UVSSA: variants seen among roughly 807,000 people sequenced by gnomAD.
UVSSA encodes the protein UV stimulated scaffold protein A.
UVSSA carries 72 observed loss-of-function variants against 73.9 expected under a neutral mutation model. The ratio of observed to expected loss-of-function variants is 0.97; its 90% CI spans 0.81 to 1.19. The LOEUF is 1.19. Among genes scored for constraint, UVSSA ranks in the 50% most tolerant of loss-of-function variants. UVSSA has a pLI of 0.00. For synonymous variants in UVSSA, 454 were observed against 391.3 expected, an observed-to-expected ratio of 1.16 and a Z score of -1.89; for missense variants, 1,150 against 965.0, an observed-to-expected ratio of 1.19 and a Z score of -2.54.
At position 1,386,417 on chromosome 4, in the gene UVSSA, C is replaced by G. The variant is rs1338566803; in HGVS notation, c.*456C>G. 1 of 161,216 alleles carries G rather than the reference C, an allele frequency of 6.2e-6. No individual in the cohort carries two copies. The highest frequency in any genetic ancestry group is 5.9e-5 in the Admixed American group (1 of 17,044). 10.0% of individuals were successfully genotyped at this position (161,216 alleles called of 1,614,324 possible). A position where few individuals can be genotyped will look rare whatever the true frequency, so the allele number is the denominator to read the frequency against. On this transcript the variant is annotated 3_prime_UTR_variant, in exon 14 of 14. Transcript: ENST00000389851. Reference sequence around the variant, plus strand: ...CACAAAGGCTAGTGAACCGTTCAGTCATCTGCTTTCTGTTTCTGGATGTGC... The same window carrying G: ...CACAAAGGCTAGTGAACCGTTCAGTGATCTGCTTTCTGTTTCTGGATGTGC...
At chr4:1,378,243 C>T (rs1302904614) in intron 10 of UVSSA, among the ~76,000 whole-genome samples, 1 of 152,140 alleles carries the variant, frequency 6.6e-6, no homozygotes, top group East Asian at 1.9e-4. Context: ...ACAAAGCCGT[C>T]CTGGTACACA....
rs371619925 is a variant in UVSSA at position 1,381,005 on chromosome 4, C to T, written c.1861+17C>T. The stretch of plus-strand genomic sequence containing the variant: ...AGCGCCCGGGTAGGTCTGGGCAAGG[C>T]GGTCACCGTGGGAGGCACAGCCTGG... On this transcript the variant is annotated intron_variant, in intron 12 of 13. Transcript: ENST00000389851. 1.2e-4 allele frequency: 186 copies of T among 1,606,936 alleles called. No individual in the cohort carries two copies. The highest frequency in any genetic ancestry group is 1.5e-4 in the Non-Finnish European group (171 of 1,177,040).
chr4:1,349,436 C>G, intron 2 of UVSSA, 88 bp from the exon 3 acceptor site: 1 of 1,291,878 alleles, frequency 7.7e-7, no homozygotes, highest in South Asian at 1.4e-5. Context: ...CCCTGCCACA[C>G]GTGCGTGCGG....
intron 4 of UVSSA, among the ~76,000 whole-genome samples, chr4:1,352,168 T>C (rs1882105): frequency 0.69 from 104,338 of 152,190 alleles, 37,583 homozygotes; most frequent in African/African-American, 0.92. Context: ...TTTGTGGCTG[T>C]CTTGCCCTTG....
At position 1,375,399 on chromosome 4, in the gene UVSSA, C is replaced by T. The variant is rs773114843; in HGVS notation, c.1324C>T (p.Arg442Trp). 12 of 1,613,452 alleles carry T rather than the reference C, an allele frequency of 7.4e-6. No homozygotes were observed. Among genetic ancestry groups the T allele is most frequent in the Middle Eastern group, 1.6e-4 (1 of 6,084 alleles). Residue 442 changes from arginine to tryptophan, a missense_variant, in exon 9 of 14, where the codon CGG becomes TGG. Arg to Trp is a moderately radical substitution (Grantham distance 101). Transcript: ENST00000389851. ...EAAPEKDTVV[R>W]CLRTRTRMDE... Reference sequence around the variant, plus strand: ...AGCACCAGAGAAAGACACAGTTGTGCGGTGCTTGCGGACGAGGACGAGGAT... The same window carrying T: ...AGCACCAGAGAAAGACACAGTTGTGTGGTGCTTGCGGACGAGGACGAGGAT...
At chr4:1,395,542 C>G (rs763344201) in exon 14 of UVSSA, 3 of 1,599,900 alleles carry the variant, frequency 1.9e-6, no homozygotes, top group Non-Finnish European at 2.6e-6. Flanking sequence ...CCCGCCTGCT[C>G]ACACGTGCCC....
intron 13 of UVSSA, 22 bp downstream of exon 13, chr4:1,383,962 C>T (rs372261594): frequency 8.8e-6 from 14 of 1,598,988 alleles, no homozygotes; most frequent in African/African-American, 2.7e-5. Context: ...TGCTGGGTCA[C>T]CTCCCACCGC....
At chr4:1,345,799 A>C (rs1359052304), upstream of UVSSA, among the ~76,000 whole-genome samples, 1 of 152,134 alleles carries the variant, frequency 6.6e-6, no homozygotes. Context: ...AATTGGTAAG[A>C]AAAGTTGGAT....
intron 10 of UVSSA, 56 bp downstream of exon 10, chr4:1,376,224 A>T (rs1475079864): frequency 3.3e-6 from 5 of 1,538,208 alleles, no homozygotes; most frequent in African/African-American, 2.7e-5. Context: ...TCCCAGCCTG[A>T]GGAGGGGGCT....
At chr4:1,395,209 C>A in exon 14 of UVSSA, 1 of 1,447,058 alleles carries the variant, frequency 6.9e-7, no homozygotes, top group Non-Finnish European at 9.2e-7. Context: ...CCTGCTCACA[C>A]GTGCCGATGC....
exon 14 of UVSSA, chr4:1,393,248 C>CT (rs1342667183): frequency 1.3e-5 from 2 of 152,170 alleles, no homozygotes; most frequent in African/African-American, 4.8e-5. Context: ...AGTTATTGTA[C>CT]TTTTCTACTC....
rs1000416466 is a variant in UVSSA, at chr4:1,349,465, C to T, written c.99-59C>T. The stretch of plus-strand genomic sequence containing the variant: ...CGTGCGGCATCCATGCACGGAGAGT[C>T]TCCCCCCGCCCATCCTCTGCGTGTG... On this transcript the variant is annotated intron_variant, in intron 2 of 13. Transcript: ENST00000389851. The T allele has an allele frequency of 3.3e-6, 5 of 1,536,156 alleles. No individual in the cohort carries two copies. The Admixed American group carries it at 8.7e-5, about 27-fold the overall frequency.
At chr4:1,359,984 G>C (rs1406993241) in intron 7 of UVSSA, among the ~76,000 whole-genome samples, 1 of 152,218 alleles carries the variant, frequency 6.6e-6, no homozygotes, top group African/African-American at 2.4e-5. Context: ...AGGTGAAAGG[G>C]ACAGAAACTG....
In UVSSA at chr4:1,366,320, A is replaced by C. The variant is rs1717318086; in HGVS notation, c.1177A>C (p.Thr393Pro). The C allele has an allele frequency of 6.2e-7, 1 of 1,609,510 alleles. No homozygotes were observed. The highest frequency in any genetic ancestry group is 1.3e-5 in the African/African-American group (1 of 74,744). Residue 393 changes from threonine (T) to proline (P), a missense_variant and splice_region_variant, in exon 8 of 14, where the codon ACA becomes CCA. By Grantham distance (38) the Thr-to-Pro change is conservative. Coordinates refer to ENST00000389851, the MANE Select transcript of UVSSA (RefSeq NM_020894.4). ...IEPEGGERRR[T>P]EALGDAEEDE... ...TTTGTATTGGGGTGTTTTTCCACAG[A>C]CAGAAGCCCTGGGGGATGCGGAGGA...
intron 8 of UVSSA, chr4:1,375,053 T>G (rs1359990007): frequency 5.9e-5 from 21 of 353,490 alleles, no homozygotes. Context: ...CCAGCTTCTT[T>G]CCAGCCTGGC....
rs113099622 is a variant in UVSSA at position 1,385,686 on chromosome 4, G to A, written c.2037-182G>A. 774 of 629,468 alleles carry A rather than the reference G, an allele frequency of 1.2e-3. 5 individuals are homozygous for A. The highest frequency in any genetic ancestry group is 0.012 in the African/African-American group (633 of 54,554). The allele number at this position is 629,468 out of a possible 1,614,324, so 39.0% of individuals were successfully genotyped here. A position where few individuals can be genotyped will look rare whatever the true frequency, so the allele number is the denominator to read the frequency against. ...GGCCCTTTCTAAGCCTGTCTGTCTC[G>A]GGCCAGGGCCAAGGGGCCCGTCGCC... is the stretch of plus-strand genomic sequence containing the variant. On this transcript the variant is annotated intron_variant, in intron 13 of 13. Coordinates refer to ENST00000389851, the MANE Select transcript of UVSSA (RefSeq NM_020894.4).
chr4:1,348,810 C>T (rs1228861952), intron 2 of UVSSA, among the ~76,000 whole-genome samples: 4 of 152,204 alleles, frequency 2.6e-5, no homozygotes, highest in Non-Finnish European at 4.4e-5. Context: ...TGGCCTGCGC[C>T]AGGAAATCGA....
At chr4:1,349,116 CG>C (rs1275261415) in intron 2 of UVSSA, among the ~76,000 whole-genome samples, 3 of 58,620 alleles carry the variant, frequency 5.1e-5, no homozygotes, top group African/African-American at 1.9e-4. Context: ...CGCTAGGTAA[CG>C]TGTGTTTAAA....
chr4:1,383,714 A>T, intron 12 of UVSSA, 52 bp from the exon 13 acceptor site: 1 of 1,605,862 alleles, frequency 6.2e-7, no homozygotes, highest in South Asian at 1.1e-5. Context: ...CTCGGGTAAG[A>T]GGCTCTGGTC....
Sources: allele counts gnomAD v4.1 joint callset (sites outside exome capture counted in the v4.1 genomes callset), GRCh38; gene constraint gnomAD v4.1.1; transcripts MANE v1.5; gene names NCBI Gene and HGNC (gene_info 2026-07-23, HGNC 2026-07-21).